Variants in CNTNAP5 observed in about 807,000 individuals in gnomAD.
The protein encoded by CNTNAP5 is contactin associated protein family member 5, also known as contactin-associated protein-like 5.
In CNTNAP5, 72 loss-of-function variants were observed where a neutral mutation model predicts 150.2. That is an observed-to-expected ratio of 0.48 (90% confidence interval 0.40 to 0.58). The LOEUF (loss-of-function observed/expected upper bound fraction) is 0.58. CNTNAP5 is among the 20% of genes least tolerant of loss of function. CNTNAP5 has a pLI of 0.00. For missense variants in CNTNAP5, 1,636 were observed against 1,626.2 expected (o/e 1.01, Z -0.10); for synonymous variants, 672 against 619.8 (o/e 1.08, Z -1.25).
At chr2:124,178,003 C>T (rs770454028) in intron 1 of CNTNAP5, among the ~76,000 whole-genome samples, 12 of 151,968 alleles carry the variant, frequency 7.9e-5, no homozygotes, top group African/African-American at 1.5e-4. Context: ...CCCACAACCA[C>T]GCCTAGCTAA....
chr2:124,557,957 G>C (rs1695798567), intron 10 of CNTNAP5, among the ~76,000 whole-genome samples: 1 of 152,254 alleles, frequency 6.6e-6, no homozygotes, highest in South Asian at 2.1e-4. Flanking sequence ...GAAAAGTGTA[G>C]GGGTGAGTTG....
At chr2:124,304,238 C>A (rs1313780275) in intron 3 of CNTNAP5, among the ~76,000 whole-genome samples, 1 of 152,034 alleles carries the variant, frequency 6.6e-6, no homozygotes, top group African/African-American at 2.4e-5. Flanking sequence ...ATTATAATTT[C>A]TATGCTAAGG....
At chr2:124,222,711 T>A (rs948294137) in intron 2 of CNTNAP5, among the ~76,000 whole-genome samples, 5 of 149,434 alleles carry the variant, frequency 3.3e-5, no homozygotes, top group African/African-American at 1.2e-4. Flanking sequence ...CTGGAATAAG[T>A]TCTAATTGGT....
At chr2:124,404,739 T>C (rs74525550) in intron 3 of CNTNAP5, among the ~76,000 whole-genome samples, 7,620 of 152,244 alleles carry the variant, frequency 0.05, 259 homozygotes, top group South Asian at 0.12. Flanking sequence ...TCAGGCCAAA[T>C]ATGGTGGAGA....
At chr2:124,902,745 G>C in intron 21 of CNTNAP5, 137 bp from the exon 22 acceptor site, 1 of 551,440 alleles carries the variant, frequency 1.8e-6, no homozygotes, top group East Asian at 2.8e-5. Flanking sequence ...AAGAGAGATA[G>C]ATAGGGGAGG....
intron 6 of CNTNAP5, among the ~76,000 whole-genome samples, chr2:124,456,365 G>A (rs569533189): frequency 6.6e-6 from 1 of 152,046 alleles, no homozygotes; most frequent in South Asian, 2.1e-4. Context: ...TAATCAAGAA[G>A]GTGAAAGACC....
rs75666233 is a variant in CNTNAP5 at position 124,367,040 on chromosome 2, A to C, written c.382-50403A>C. Among the ~76,000 whole-genome samples the C allele has an allele frequency of 4.5e-3, 685 of 152,316 alleles. 4 individuals are homozygous for C. The highest frequency in any genetic ancestry group is 0.015 in the African/African-American group (642 of 41,582). ...TTGTAACTGGGTTTATGTCATGTCT[A>C]TGTACATGTTTGATGCAAAGTCAGA... On this transcript the variant is annotated intron_variant, in intron 3 of 23. Coordinates refer to ENST00000682447, the MANE Select transcript of CNTNAP5 (RefSeq NM_001367498.1).
At chr2:124,383,108 A>G (rs1386141579) in intron 3 of CNTNAP5, among the ~76,000 whole-genome samples, 1 of 152,152 alleles carries the variant, frequency 6.6e-6, no homozygotes. Flanking sequence ...TCCTGTGCCA[A>G]GAATCACAAT....
intron 2 of CNTNAP5, among the ~76,000 whole-genome samples, chr2:124,226,815 C>T (rs183345309): frequency 3.7e-4 from 56 of 152,140 alleles, no homozygotes; most frequent in Non-Finnish European, 6.8e-4. Context: ...TGCAGAGTCT[C>T]GAGACAGCCC....
intron 3 of CNTNAP5, among the ~76,000 whole-genome samples, chr2:124,294,215 C>A (rs1374263130): frequency 2.7e-5 from 2 of 73,960 alleles, no homozygotes; most frequent in Non-Finnish European, 5.6e-5. Flanking sequence ...TTTAGTGATA[C>A]CTTGTTTTCT....
At chr2:124,689,627 G>A (rs1182124621) in intron 13 of CNTNAP5, among the ~76,000 whole-genome samples, 2 of 152,010 alleles carry the variant, frequency 1.3e-5, no homozygotes, top group East Asian at 1.9e-4. Context: ...GCACATATGT[G>A]TATGTTCAGA....
intron 11 of CNTNAP5, among the ~76,000 whole-genome samples, chr2:124,602,338 C>CAAAAAA (rs35316532): frequency 2.2e-5 from 2 of 89,774 alleles, no homozygotes; most frequent in African/African-American, 8.9e-5. Context: ...AAGACTTCAC[C>CAAAAAA]AAAAAAAAAA....
At chr2:124,768,585 C>T (rs575484200) in intron 16 of CNTNAP5, among the ~76,000 whole-genome samples, 102 of 152,172 alleles carry the variant, frequency 6.7e-4, no homozygotes, top group African/African-American at 2.4e-3. Context: ...CCATCGATGA[C>T]GATCACTGTG....
intron 4 of CNTNAP5, among the ~76,000 whole-genome samples, chr2:124,429,894 A>C (rs1330704243): frequency 2.0e-5 from 3 of 152,146 alleles, no homozygotes; most frequent in African/African-American, 7.2e-5. Context: ...TAGGCACCTC[A>C]ATGGATCACA....
intron 14 of CNTNAP5, among the ~76,000 whole-genome samples, chr2:124,758,620 G>A (rs7584662): frequency 0.64 from 96,956 of 151,858 alleles, 31,649 homozygotes; most frequent in East Asian, 0.96. Context: ...GGAGGAAAAG[G>A]GTGCAGAGGA....
intron 13 of CNTNAP5, among the ~76,000 whole-genome samples, chr2:124,674,400 C>T (rs1395477369): frequency 5.5e-5 from 7 of 128,220 alleles, no homozygotes; most frequent in Admixed American, 8.7e-5. Context: ...TCTTTCTTTC[C>T]TTCCTTCCTT....
chr2:124,238,718 C>T (rs1007922543), intron 2 of CNTNAP5, among the ~76,000 whole-genome samples: 1 of 152,134 alleles, frequency 6.6e-6, no homozygotes, highest in Non-Finnish European at 1.5e-5. Context: ...GCCAAATGCA[C>T]TTATTTGTAT....
chr2:124,152,668 T>C (rs1442622658), intron 1 of CNTNAP5, among the ~76,000 whole-genome samples: 1 of 151,918 alleles, frequency 6.6e-6, no homozygotes, highest in Non-Finnish European at 1.5e-5. Flanking sequence ...TAGAGAGGAA[T>C]GAGGAGGGCA....
intron 8 of CNTNAP5, among the ~76,000 whole-genome samples, chr2:124,509,272 G>A (rs1694497114): frequency 6.6e-6 from 1 of 152,136 alleles, no homozygotes; most frequent in Non-Finnish European, 1.5e-5. Flanking sequence ...CAAAATAGAA[G>A]GCATCTGAAT....
Sources: gnomAD v4.1 joint callset for allele counts (sites outside exome capture counted in the v4.1 genomes callset) on GRCh38, gnomAD v4.1.1 for gene constraint, MANE v1.5 for transcripts, NCBI Gene and HGNC (gene_info 2026-07-23, HGNC 2026-07-21) for gene names.